SEC23A: variants seen among roughly 807,000 people sequenced by gnomAD.
SEC23A encodes SEC23 homolog A, COPII component.
Under a neutral mutation model 103.7 loss-of-function variants are expected in SEC23A, and 56 were observed. The ratio of observed to expected loss-of-function variants is 0.54; its 90% confidence interval spans 0.44 to 0.67. The LOEUF (loss-of-function observed/expected upper bound fraction) is 0.67. SEC23A is among the 30% of genes least tolerant of loss of function. SEC23A has a pLI of 0.00. For missense variants in SEC23A, 784 were observed against 936.4 expected (o/e 0.84, Z 2.12); for synonymous variants, 281 against 293.0 (o/e 0.96, Z 0.42).
chr14:39,059,292 AAAAAAAAAAAAAAAAAAAC>A (rs1249982527), intron 13 of SEC23A, among the ~76,000 whole-genome samples: 2 of 112,258 alleles, frequency 1.8e-5, no homozygotes, highest in African/African-American at 7.0e-5. Flanking sequence ...AAAAAAAAAA[AAAAAAAAAAAAAAAAAAAC>A]AACAAGGTGC....
In SEC23A at chr14:39,033,441, A is replaced by T; in HGVS notation, c.2209-113T>A. The T allele has an allele frequency of 4.6e-6, 3 of 648,516 alleles. No individual in the cohort carries two copies. The South Asian group carries it at 5.9e-5, about 13-fold the overall frequency. The allele number at this position is 648,516 out of a possible 1,614,324, so 40.2% of individuals were successfully genotyped here. A position where few individuals can be genotyped will look rare whatever the true frequency, so the allele number is the denominator to read the frequency against. On this transcript the variant is annotated intron_variant, in intron 19 of 19. Coordinates refer to ENST00000307712, the MANE Select transcript of SEC23A (RefSeq NM_006364.4). ...CATTTGAAATGCCTATGGTCCTATT[A>T]AATAAAAAGAATCTAACTGGCCTCC...
intron 18 of SEC23A, 112 bp from the exon 19 acceptor site, chr14:39,039,208 A>C: frequency 1.2e-6 from 1 of 848,150 alleles, no homozygotes; most frequent in Non-Finnish European, 1.9e-6. Context: ...TGGTAAAATT[A>C]ATTTTATTAA....
Position 39,040,902 on chromosome 14 carries a change from A to G in SEC23A, c.1987-15T>C. 1.9e-6 allele frequency: 3 copies of G among 1,598,894 alleles called. No individual in the cohort carries two copies. The highest frequency in any genetic ancestry group is 2.6e-6 in the Non-Finnish European group (3 of 1,172,716). On this transcript the variant is annotated splice_polypyrimidine_tract_variant and intron_variant, in intron 17 of 19. Transcript: ENST00000307712. ...TGTGCTATGGTCTAATTTTAAAACA[A>G]TTAAAGAAATTACTTTAAATTTCTT...
intron 13 of SEC23A, among the ~76,000 whole-genome samples, chr14:39,058,159 AC>A (rs1177620779): frequency 6.6e-6 from 1 of 152,182 alleles, no homozygotes; most frequent in African/African-American, 2.4e-5. Flanking sequence ...AGATATAGTG[AC>A]TGGCCAGACA....
chr14:39,060,844 G>A (rs771375860), intron 13 of SEC23A, among the ~76,000 whole-genome samples: 1 of 152,030 alleles, frequency 6.6e-6, no homozygotes, highest in Non-Finnish European at 1.5e-5. Flanking sequence ...GTATCTGTTG[G>A]GCCTTATTAT....
chr14:39,058,755 G>C (rs1446156403), intron 13 of SEC23A, among the ~76,000 whole-genome samples: 1 of 152,204 alleles, frequency 6.6e-6, no homozygotes, highest in Non-Finnish European at 1.5e-5. Context: ...TGGTAATTTT[G>C]AAAGTTATGT....
chr14:39,067,667 T>A (rs1886716390), intron 9 of SEC23A, among the ~76,000 whole-genome samples: 1 of 2,966 alleles, frequency 3.4e-4, no homozygotes, highest in South Asian at 0.025. Context: ...ATGCATTCTC[T>A]TTTTTTTTTT....
rs1439042368 is a variant in SEC23A at position 39,087,080 on chromosome 14, T to C, written c.604-72A>G. 4.4e-6 allele frequency: 4 copies of C among 912,684 alleles called. 1 individual carries two copies. In the South Asian group the frequency reaches 5.3e-5, roughly 12 times the overall value. The allele number at this position is 912,684 out of a possible 1,614,324, so 56.5% of individuals were successfully genotyped here. On this transcript the variant is annotated intron_variant, in intron 5 of 19. Coordinates refer to ENST00000307712, the MANE Select transcript of SEC23A (RefSeq NM_006364.4). ...AGATTTATCAACTATTTATCATGTA[T>C]AAAATGCTGTGCTAGACATTAGAAA...
chr14:39,035,854 G>A (rs1380303100), intron 19 of SEC23A, among the ~76,000 whole-genome samples: 3 of 152,180 alleles, frequency 2.0e-5, no homozygotes, highest in Non-Finnish European at 2.9e-5. Flanking sequence ...AGGGATGACA[G>A]GACAGGGATA....
Position 39,075,956 on chromosome 14 carries a change from T to G in SEC23A, c.966A>C (p.Lys322Asn). The change falls in exon 8 of 20, where the codon AAA becomes AAC. Residue 322 changes from lysine to asparagine, a missense_variant. Transcript: ENST00000307712. ...TTACCTTAGTTCCCTTTTTAACATA[T>G]TTGGCATTGTCTTTGTCAATGTCAT... ...SWHDIDKDNAKYVKKGTKHFE... is the reference protein window; with the variant it reads ...SWHDIDKDNANYVKKGTKHFE... 6.2e-7 allele frequency: 1 copy of G among 1,614,038 alleles called. No homozygotes were observed.
In SEC23A at chr14:39,085,768, C is replaced by T. The variant is rs1390525881; in HGVS notation, c.822G>A (p.Leu274=). The T allele has an allele frequency of 6.2e-7, 1 of 1,613,062 alleles. No homozygotes were observed. The highest frequency in any genetic ancestry group is 8.5e-7 in the Non-Finnish European group (1 of 1,179,714). Residue 274 remains leucine, a synonymous_variant, in exon 7 of 20, where the codon CTG becomes CTA. Coordinates refer to ENST00000307712, the MANE Select transcript of SEC23A (RefSeq NM_006364.4). The part of the protein sequence containing the change: ...SGVALSIAVG[L]LECTFPNTGA... ...ACAAAACCATCTTCCCTACCTCCAG[C>T]AGTCCTACAGCTATGGAAAGTGCCA...
intron 9 of SEC23A, among the ~76,000 whole-genome samples, chr14:39,067,835 A>G (rs1299001394): frequency 1.3e-5 from 2 of 151,674 alleles, no homozygotes; most frequent in African/African-American, 2.4e-5. Flanking sequence ...CGCCCAGCTA[A>G]TTTTTTTGTT....
intron 7 of SEC23A, among the ~76,000 whole-genome samples, chr14:39,077,445 A>G (rs1887072920): frequency 6.6e-6 from 1 of 151,404 alleles, no homozygotes; most frequent in Non-Finnish European, 1.5e-5. Context: ...TGGGAGGCAG[A>G]GGCAGAGAAT....
chr14:39,101,487 G>A (rs1370478937), intron 1 of SEC23A, among the ~76,000 whole-genome samples: 3 of 151,712 alleles, frequency 2.0e-5, no homozygotes, highest in Non-Finnish European at 4.4e-5. Flanking sequence ...GCATGGTGGC[G>A]GTCGCCTGTA....
rs148418309 is a variant in SEC23A, at chr14:39,103,127, C to T, written c.-117G>A. The T allele has an allele frequency of 5.6e-3, 855 of 152,320 alleles. 3 individuals carry two copies. The highest frequency in any genetic ancestry group is 9.7e-3 in the Non-Finnish European group (661 of 68,182). 9.4% of individuals were successfully genotyped at this position (152,320 alleles called of 1,614,324 possible). ...TCCGCTTTGCAAAATCTGTCCTCTC[C>T]GCCCAGCAGGAGCAGTCCGTGGCAC... On this transcript the variant is annotated 5_prime_UTR_variant, in exon 1 of 20. Coordinates refer to ENST00000307712, the MANE Select transcript of SEC23A (RefSeq NM_006364.4).
At chr14:39,084,983 G>C (rs1343199585) in intron 7 of SEC23A, among the ~76,000 whole-genome samples, 1 of 152,146 alleles carries the variant, frequency 6.6e-6, no homozygotes, top group Non-Finnish European at 1.5e-5. Context: ...CCTTTTGTAT[G>C]TTAATAAAAT....
At chr14:39,092,060 T>C (rs1312365274) in intron 4 of SEC23A, among the ~76,000 whole-genome samples, 2 of 152,188 alleles carry the variant, frequency 1.3e-5, no homozygotes, top group African/African-American at 2.4e-5. Context: ...TACTGAATGG[T>C]CCAAGTGAAC....
At chr14:39,081,554 A>C (rs1334590405) in intron 7 of SEC23A, among the ~76,000 whole-genome samples, 1 of 152,178 alleles carries the variant, frequency 6.6e-6, no homozygotes, top group Non-Finnish European at 1.5e-5. Flanking sequence ...CTAACTCCTA[A>C]GCTTCTTTCT....
At position 39,091,697 on chromosome 14, in the gene SEC23A, GGCATCTGAGGACCAC is replaced by G; in HGVS notation, c.368_382del (p.Arg123_Met127del). 6.2e-7 allele frequency: 1 copy of G among 1,613,254 alleles called. No homozygotes were observed. The highest frequency in any genetic ancestry group is 8.5e-7 in the Non-Finnish European group (1 of 1,179,352). Reference sequence around the variant, plus strand: ...ATCAACCACATAGAGGAATATCAAAGGCATCTGAGGACCACGCTTTTAAAAAATTCACCAAAAAGA... The same window carrying G: ...ATCAACCACATAGAGGAATATCAAAGGCTTTTAAAAAATTCACCAAAAAGA... On this transcript the variant is annotated inframe_deletion and splice_region_variant, in exon 5 of 20. Coordinates refer to ENST00000307712, the MANE Select transcript of SEC23A (RefSeq NM_006364.4).
Sources: allele counts gnomAD v4.1 joint callset (sites outside exome capture counted in the v4.1 genomes callset), GRCh38; gene constraint gnomAD v4.1.1; transcripts MANE v1.5; gene names NCBI Gene and HGNC (gene_info 2026-07-23, HGNC 2026-07-21).